CTNND2: variants seen among roughly 807,000 people sequenced by gnomAD.
The protein encoded by CTNND2 is catenin delta-2.
In CTNND2, 22 loss-of-function variants were observed where a neutral mutation model predicts 144.4. The ratio of observed to expected loss-of-function variants is 0.15; its 90% CI spans 0.11 to 0.22. The LOEUF is 0.22. CTNND2 is among the 10% of genes least tolerant of loss of function. CTNND2 has a pLI of 1.00. For missense variants in CTNND2, 1,353 were observed against 1,618.8 expected (o/e 0.84, Z 2.82); for synonymous variants, 751 against 695.6 (o/e 1.08, Z -1.25).
intron 1 of CTNND2, among the ~76,000 whole-genome samples, chr5:11,785,418 G>C (rs1045487422): frequency 6.6e-6 from 1 of 152,100 alleles, no homozygotes; most frequent in African/African-American, 2.4e-5. Flanking sequence ...ACACTTTTCA[G>C]TAACTTGAAC....
At chr5:11,668,560 C>T (rs531595751) in intron 2 of CTNND2, among the ~76,000 whole-genome samples, 4 of 149,696 alleles carry the variant, frequency 2.7e-5, no homozygotes, top group Non-Finnish European at 4.4e-5. Context: ...ATTTGGCTCT[C>T]TGTTTGTCTG....
At chr5:11,710,868 T>C (rs940418633) in intron 2 of CTNND2, among the ~76,000 whole-genome samples, 1 of 152,298 alleles carries the variant, frequency 6.6e-6, no homozygotes, top group Admixed American at 6.5e-5. Flanking sequence ...TTTTTTGTCA[T>C]AGCAAAACAA....
chr5:11,273,213 T>C (rs2149981097), intron 9 of CTNND2, among the ~76,000 whole-genome samples: 1 of 152,322 alleles, frequency 6.6e-6, no homozygotes, highest in South Asian at 2.1e-4. Flanking sequence ...TCACAGAACA[T>C]TTGCTGACCC....
chr5:11,040,857 T>C (rs927652850), intron 16 of CTNND2, among the ~76,000 whole-genome samples: 1 of 152,208 alleles, frequency 6.6e-6, no homozygotes, highest in Admixed American at 6.5e-5. Context: ...CAGAAAGGAA[T>C]GATGAAAATT....
chr5:11,507,547 G>A (rs530146164), intron 3 of CTNND2, among the ~76,000 whole-genome samples: 1 of 152,286 alleles, frequency 6.6e-6, no homozygotes, highest in South Asian at 2.1e-4. Context: ...GAAGCACAAG[G>A]TGCCCCCACC....
At chr5:11,430,244 G>A (rs1427290848) in intron 3 of CTNND2, among the ~76,000 whole-genome samples, 10 of 97,796 alleles carry the variant, frequency 1.0e-4, no homozygotes, top group South Asian at 3.4e-4. Flanking sequence ...GTTAGACTCC[G>A]TCTCAAAAAA....
rs778523469 is a variant in CTNND2 at position 11,082,860 on chromosome 5, G to A, written c.2638-14C>T. 7 of 1,613,010 alleles carry A rather than the reference G, an allele frequency of 4.3e-6. No homozygotes were observed. The Admixed American group carries it at 8.4e-5, about 19-fold the overall frequency. ...ATATACTGACCACTGCAAAAACAGG[G>A]AAGGCGAAGGGCGTTAGAAACAGGA... is the stretch of plus-strand genomic sequence containing the variant. On this transcript the variant is annotated splice_polypyrimidine_tract_variant and intron_variant, in intron 15 of 21. Coordinates refer to ENST00000304623, the MANE Select transcript of CTNND2 (RefSeq NM_001332.4).
At chr5:11,665,097 T>C (rs1210340728) in intron 2 of CTNND2, among the ~76,000 whole-genome samples, 1 of 152,176 alleles carries the variant, frequency 6.6e-6, no homozygotes, top group Non-Finnish European at 1.5e-5. Flanking sequence ...CAACCAGATT[T>C]CCTATGAATA....
intron 1 of CTNND2, among the ~76,000 whole-genome samples, chr5:11,857,044 C>T (rs983029837): frequency 3.3e-5 from 5 of 152,282 alleles, no homozygotes; most frequent in South Asian, 2.1e-4. Context: ...AAAAATTTCA[C>T]GTACTTCACA....
intron 2 of CTNND2, among the ~76,000 whole-genome samples, chr5:11,652,439 T>C (rs1341384721): frequency 1.3e-5 from 2 of 152,202 alleles, no homozygotes; most frequent in Non-Finnish European, 1.5e-5. Flanking sequence ...AATGTAAGAA[T>C]GGACTAATAC....
intron 6 of CTNND2, among the ~76,000 whole-genome samples, chr5:11,392,348 T>G (rs1231435978): frequency 1.3e-5 from 2 of 152,244 alleles, no homozygotes; most frequent in South Asian, 2.1e-4. Flanking sequence ...AAGAAAGAAA[T>G]AAAGCAATGA....
At chr5:11,852,053 C>T (rs779619107) in intron 1 of CTNND2, among the ~76,000 whole-genome samples, 8 of 152,148 alleles carry the variant, frequency 5.3e-5, no homozygotes, top group Non-Finnish European at 7.4e-5. Context: ...CTCTTAACCA[C>T]GCCACCTCTT....
At chr5:11,052,827 G>A (rs527706203) in intron 16 of CTNND2, among the ~76,000 whole-genome samples, 155 of 152,000 alleles carry the variant, frequency 1.0e-3, no homozygotes, top group Non-Finnish European at 1.9e-3. Context: ...GCTGCTAGTT[G>A]GCAACACTTA....
intron 2 of CTNND2, among the ~76,000 whole-genome samples, chr5:11,638,475 A>G (rs1224053782): frequency 6.6e-6 from 1 of 152,212 alleles, no homozygotes; most frequent in African/African-American, 2.4e-5. Context: ...AATTCTCTGC[A>G]ACATATTTCA....
chr5:11,700,337 C>G (rs1029665984), intron 2 of CTNND2, among the ~76,000 whole-genome samples: 1 of 152,108 alleles, frequency 6.6e-6, no homozygotes, highest in African/African-American at 2.4e-5. Context: ...GTGCAGTGAG[C>G]CAAGATCATG....
At chr5:11,105,292 T>C (rs941256240) in intron 14 of CTNND2, among the ~76,000 whole-genome samples, 2 of 152,246 alleles carry the variant, frequency 1.3e-5, no homozygotes, top group Non-Finnish European at 1.5e-5. Flanking sequence ...ATATGTTTGG[T>C]AATATGTCCT....
At chr5:11,740,759 C>A (rs879573282) in intron 1 of CTNND2, among the ~76,000 whole-genome samples, 1 of 152,174 alleles carries the variant, frequency 6.6e-6, no homozygotes, top group East Asian at 1.9e-4. Context: ...AGGCAACCTA[C>A]AGACTGGGAG....
At chr5:11,516,193 C>T (rs1772151426) in intron 3 of CTNND2, among the ~76,000 whole-genome samples, 2 of 152,006 alleles carry the variant, frequency 1.3e-5, no homozygotes. Context: ...GTCAGAGTCA[C>T]CACAAGTTTT....
intron 9 of CTNND2, among the ~76,000 whole-genome samples, chr5:11,344,175 C>G (rs41077): frequency 1.3e-5 from 2 of 151,464 alleles, no homozygotes; most frequent in Non-Finnish European, 2.9e-5. Context: ...GAGGCCGAGG[C>G]GGGTGGATCA....
Sources: allele counts gnomAD v4.1 joint callset (sites outside exome capture counted in the v4.1 genomes callset), GRCh38; gene constraint gnomAD v4.1.1; transcripts MANE v1.5; gene names NCBI Gene and HGNC (gene_info 2026-07-23, HGNC 2026-07-21).